Variants in TENM1 observed in about 807,000 individuals in gnomAD.
The protein encoded by TENM1 is teneurin transmembrane protein 1, also known as teneurin-1.
A neutral mutation model predicts 174.8 loss-of-function variants in TENM1; 35 were observed. The observed-to-expected ratio is 0.20, with a 90% CI of 0.15 to 0.27. The LOEUF (loss-of-function observed/expected upper bound fraction) is 0.27. Ranked by LOEUF, TENM1 falls within the 10% of genes least tolerant of loss-of-function variation. The pLI is 1.00. For synonymous variants in TENM1, 781 were observed against 798.7 expected, an observed-to-expected ratio of 0.98 and a Z score of 0.37; for missense variants, 1,633 against 2,130.1, an observed-to-expected ratio of 0.77 and a Z score of 4.59.
the TENM1 span, among the ~76,000 whole-genome samples, chrX:125,187,934 C>T: frequency 9.0e-6 from 1 of 111,598 alleles, no homozygotes; most frequent in Non-Finnish European, 1.9e-5. Context: ...TGATTTTCTT[C>T]TTTCTGTGTA....
At chrX:124,918,736 C>T (rs988019534) in intron 1 of TENM1, among the ~76,000 whole-genome samples, 4 of 111,607 alleles carry the variant, frequency 3.6e-5, no homozygotes, top group South Asian at 3.7e-4. Context: ...CCATATATTT[C>T]GCACTTAAAG....
intron 16 of TENM1, among the ~76,000 whole-genome samples, chrX:124,528,593 T>C (rs1321379186): frequency 7.2e-5 from 8 of 110,447 alleles, no homozygotes; most frequent in African/African-American, 2.3e-4. Flanking sequence ...TTCAATCTAA[T>C]TGGGAGAAAG....
chrX:125,074,043 G>A, the TENM1 span, among the ~76,000 whole-genome samples: 3 of 111,175 alleles, frequency 2.7e-5, no homozygotes. Flanking sequence ...CAAGTTGGGC[G>A]GGAAATCTTT....
At chrX:124,661,432 A>T (rs1193888241) in intron 6 of TENM1, among the ~76,000 whole-genome samples, 1 of 112,142 alleles carries the variant, frequency 8.9e-6, no homozygotes, top group African/African-American at 3.2e-5. Context: ...TGTATTTCCA[A>T]GTGGTTTTAG....
chrX:125,123,984 G>A, the TENM1 span, among the ~76,000 whole-genome samples: 2 of 112,598 alleles, frequency 1.8e-5, no homozygotes, highest in Non-Finnish European at 3.7e-5. Context: ...AGTAGCTGGT[G>A]TGATGCTGGA....
At chrX:124,906,883 G>A (rs947663984) in intron 1 of TENM1, among the ~76,000 whole-genome samples, 5 of 111,475 alleles carry the variant, frequency 4.5e-5, no homozygotes, top group African/African-American at 1.6e-4. Context: ...TATAGTGAGG[G>A]AAAGCAGATC....
At chrX:124,722,765 G>A (rs374298353) in intron 4 of TENM1, among the ~76,000 whole-genome samples, 4 of 104,726 alleles carry the variant, frequency 3.8e-5, no homozygotes, top group East Asian at 3.1e-4. Flanking sequence ...GCTTGAACCC[G>A]GGAGGCGGAG....
the TENM1 span, among the ~76,000 whole-genome samples, chrX:125,083,828 A>C: frequency 9.0e-6 from 1 of 110,913 alleles, no homozygotes; most frequent in South Asian, 3.8e-4. Context: ...CCATGGTCTT[A>C]TTGCCCTGTT....
At chrX:124,518,404 G>A (rs1487890990) in intron 18 of TENM1, among the ~76,000 whole-genome samples, 1 of 106,929 alleles carries the variant, frequency 9.4e-6, no homozygotes, top group African/African-American at 3.4e-5. Context: ...TGTGTTTGTT[G>A]GGGGCGGAGG....
At chrX:124,562,318 T>C (rs953979212) in intron 13 of TENM1, among the ~76,000 whole-genome samples, 11 of 111,864 alleles carry the variant, frequency 9.8e-5, no homozygotes, top group African/African-American at 3.2e-4. Context: ...CATTAAGTAT[T>C]TGTTCATATG....
intron 23 of TENM1, among the ~76,000 whole-genome samples, chrX:124,437,109 T>C (rs1004850238): frequency 1.2e-5 from 1 of 81,041 alleles, no homozygotes; most frequent in African/African-American, 4.5e-5. Context: ...GGCTAATTTT[T>C]TTTTTTTTTT....
At chrX:124,443,161 T>C (rs974704116) in intron 23 of TENM1, among the ~76,000 whole-genome samples, 2 of 106,445 alleles carry the variant, frequency 1.9e-5, no homozygotes, top group Non-Finnish European at 3.9e-5. Flanking sequence ...AATTGACATA[T>C]AGATTTTGAA....
chrX:124,450,732 A>C (rs1421020758), intron 23 of TENM1, among the ~76,000 whole-genome samples: 1 of 111,337 alleles, frequency 9.0e-6, no homozygotes, highest in Non-Finnish European at 1.9e-5. Flanking sequence ...CAATGTGCTC[A>C]GGGAAGGGGA....
chrX:124,874,418 T>A (rs1335833980), intron 3 of TENM1, among the ~76,000 whole-genome samples: 2 of 110,597 alleles, frequency 1.8e-5, no homozygotes, highest in African/African-American at 6.5e-5. Context: ...ATGGCATATA[T>A]CAATTTTTTT....
At chrX:124,756,795 C>G (rs1346343110) in intron 3 of TENM1, among the ~76,000 whole-genome samples, 1 of 112,143 alleles carries the variant, frequency 8.9e-6, no homozygotes, top group Non-Finnish European at 1.9e-5. Flanking sequence ...GCAGTGGCTG[C>G]AGAACAGTGG....
chrX:124,508,431 G>A (rs2047500202), intron 18 of TENM1, among the ~76,000 whole-genome samples: 1 of 112,178 alleles, frequency 8.9e-6, no homozygotes, highest in Admixed American at 9.4e-5. Flanking sequence ...TCCTAACGTT[G>A]AACCATCTTT....
intron 11 of TENM1, among the ~76,000 whole-genome samples, chrX:124,585,494 C>A (rs2049477248): frequency 9.0e-6 from 1 of 111,413 alleles, no homozygotes; most frequent in African/African-American, 3.3e-5. Flanking sequence ...CCAACCAGAA[C>A]AAAGACACAA....
At position 124,938,840 on chromosome X, in the gene TENM1, G is replaced by C. The variant is rs971566740; in HGVS notation, c.217+24697C>G. 5.4e-5 allele frequency among the ~76,000 whole-genome samples: 6 copies of C among 111,473 alleles called. 1 individual carries two copies. In the East Asian group the frequency reaches 1.7e-3, roughly 31 times the overall value. On this transcript the variant is annotated intron_variant, in intron 1 of 31. Transcript: ENST00000422452. ...ATCGATGCTCAAATGAAGGCACTCT[G>C]TAGAAGTTGTATGCACAATAAATCA...
At chrX:125,151,967 T>C in the TENM1 span, among the ~76,000 whole-genome samples, 1 of 111,604 alleles carries the variant, frequency 9.0e-6, no homozygotes, top group Non-Finnish European at 1.9e-5. Flanking sequence ...AAGAATATCA[T>C]CTTGAGGCCT....
Sources: gnomAD v4.1 joint callset for allele counts (sites outside exome capture counted in the v4.1 genomes callset) on GRCh38, gnomAD v4.1.1 for gene constraint, MANE v1.5 for transcripts, NCBI Gene and HGNC (gene_info 2026-07-23, HGNC 2026-07-21) for gene names.